The following SLC8B1 variants were observed in gnomAD, a reference collection of about 807,000 sequenced individuals.
The protein encoded by SLC8B1 is solute carrier family 8 member B1.
In SLC8B1, 52 loss-of-function variants were observed where a neutral mutation model predicts 63.4. The observed-to-expected ratio is 0.82, with a 90% CI of 0.66 to 1.03. The LOEUF (loss-of-function observed/expected upper bound fraction) is 1.03, where lower values mean the gene tolerates loss of function less well. Among genes scored for constraint, SLC8B1 ranks in the 50% least tolerant of loss-of-function variants. The pLI, the probability that SLC8B1 is intolerant of heterozygous loss-of-function variation, is 0.00. For missense variants in SLC8B1, 657 were observed against 741.7 expected (o/e 0.89, Z 1.33); for synonymous variants, 336 against 323.9 (o/e 1.04, Z -0.40).
chr12:113,310,449 T>A (rs1956742403), intron 11 of SLC8B1, 94 bp from the exon 12 acceptor site: 2 of 1,506,062 alleles, frequency 1.3e-6, no homozygotes. Flanking sequence ...ACTTCCTATC[T>A]GCCCAGCCCT....
chr12:113,315,507 G>A (rs779357358), intron 10 of SLC8B1, 31 bp from the exon 11 acceptor site: 7 of 1,530,230 alleles, frequency 4.6e-6, no homozygotes, highest in African/African-American at 1.4e-5. Context: ...GGAGGGTGTC[G>A]GCAGGGAAGT....
chr12:113,306,632 T>G (rs1326079177), intron 13 of SLC8B1, 57 bp from the exon 14 acceptor site: 1 of 1,409,470 alleles, frequency 7.1e-7, no homozygotes, highest in East Asian at 2.3e-5. Context: ...CCCTCCCTGG[T>G]CATCCACGCC....
In SLC8B1 at chr12:113,310,257, T is replaced by G. The variant is rs777642500; in HGVS notation, c.1234A>C (p.Ser412Arg). 1.1e-5 allele frequency: 18 copies of G among 1,614,030 alleles called. No homozygotes were observed. The highest frequency in any genetic ancestry group is 8.0e-5 in the African/African-American group (6 of 75,036). Residue 412 changes from serine (S) to arginine (R), a missense_variant, in exon 12 of 16, where the codon AGC becomes CGC. Physicochemically the swap from Ser to Arg is moderately radical, Grantham distance 110 (BLOSUM62 -1). Transcript: ENST00000680972. The part of the protein sequence containing the change: ...ASVTFFATSD[S>R]QPPRLHWLFA... ...ACCCAGTGAAGCCTGGGGGGCTGGC[T>G]GTCAGATGTGGCAAAAAAGGTCACT...
chr12:113,300,788 C>T (rs548336085), intron 15 of SLC8B1, among the ~76,000 whole-genome samples: 8 of 152,310 alleles, frequency 5.3e-5, no homozygotes, highest in East Asian at 1.9e-4. Flanking sequence ...CTCTAGTCAA[C>T]GACATGCACA....
At position 113,319,003 on chromosome 12, in the gene SLC8B1, G is replaced by A. The variant is rs554604226; in HGVS notation, c.763C>T (p.Arg255Trp). ...ILCTWIYQRQ[R>W]RGSLFCPMPV... ...ATGGGGCAGAACAGAGATCCTCTCC[G>A]TTGCCGTTGGTAGATCCAGGTGCAG... The change falls in exon 8 of 16, where the codon CGG becomes TGG. Residue 255 changes from arginine to tryptophan, a missense_variant. By Grantham distance (101) the Arg-to-Trp change is moderately radical (BLOSUM62 -3). Coordinates refer to ENST00000680972, the MANE Select transcript of SLC8B1 (RefSeq NM_001358345.2). The A allele has an allele frequency of 3.2e-5, 52 of 1,614,028 alleles. No individual in the cohort carries two copies. The highest frequency in any genetic ancestry group is 5.3e-5 in the African/African-American group (4 of 75,008).
chr12:113,302,477 C>A, intron 15 of SLC8B1: 1 of 343,308 alleles, frequency 2.9e-6, no homozygotes, highest in South Asian at 2.2e-5. Flanking sequence ...GTTATGGCAG[C>A]ACTAGGGAAC....
chr12:113,310,351 A>G lies in SLC8B1; in HGVS notation c.1140T>C (p.Gly380=). The change falls in exon 12 of 16, where the codon GGT becomes GGC. Residue 380 remains glycine, a synonymous_variant. Transcript: ENST00000680972. The part of the protein sequence containing the change: ...VVLTLQSGTY[G]VYEIGGLVPV... The stretch of plus-strand genomic sequence containing the variant: ...GAACGAGGCCGCCTATCTCATAGAC[A>G]CCATCTGCAAAGGGAGAGAAAGGGA... 6.2e-7 allele frequency: 1 copy of G among 1,612,518 alleles called. No individual in the cohort carries two copies. The highest frequency in any genetic ancestry group is 8.5e-7 in the Non-Finnish European group (1 of 1,179,558).
chr12:113,310,065 AC>A (rs1956735500), intron 12 of SLC8B1, among the ~76,000 whole-genome samples, 168 bp downstream of exon 12: 1 of 152,026 alleles, frequency 6.6e-6, no homozygotes, highest in South Asian at 2.1e-4. Context: ...AAAGAAAAAA[AC>A]CCTGTATAGA....
At chr12:113,321,153 A>G (rs2136855335) in intron 3 of SLC8B1, 43 bp downstream of exon 3, 1 of 1,613,922 alleles carries the variant, frequency 6.2e-7, no homozygotes, top group Non-Finnish European at 8.5e-7. Context: ...GTCCAGCTGG[A>G]GACACCAGCC....
intron 2 of SLC8B1, among the ~76,000 whole-genome samples, chr12:113,325,829 C>T (rs913420845): frequency 5.3e-5 from 8 of 152,212 alleles, no homozygotes; most frequent in African/African-American, 1.9e-4. Context: ...TCCCAAAGTG[C>T]TGGGATTACA....
Position 113,299,896 on chromosome 12 carries a change from G to C in SLC8B1, c.1636C>G (p.Pro546Ala). ...CTGCTGAGCTGGAAGCACTGCAATGGGACTGAGACCAGGGAGAAGACGAGG... is the reference window on the plus strand; with the variant it reads ...CTGCTGAGCTGGAAGCACTGCAATGCGACTGAGACCAGGGAGAAGACGAGG... ...LSLVFSLVSV[P>A]LQCFQLSRVY... is the part of the protein sequence containing the mutation. The change falls in exon 16 of 16, where the codon CCA (proline) becomes GCA (alanine). Residue 546 changes from proline to alanine, a missense_variant. By Grantham distance (27) the Pro-to-Ala change is conservative (BLOSUM62 -1). Transcript: ENST00000680972. The C allele has an allele frequency of 6.2e-7, 1 of 1,614,222 alleles. No homozygotes were observed. Among genetic ancestry groups the C allele is most frequent in the Non-Finnish European group, 8.5e-7 (1 of 1,180,044 alleles).
chr12:113,316,101 A>G (rs575791358), intron 10 of SLC8B1, among the ~76,000 whole-genome samples: 48 of 152,076 alleles, frequency 3.2e-4, no homozygotes, highest in Middle Eastern at 3.4e-3. Flanking sequence ...GCGGGCGCCT[A>G]TAGTCCCAGC....
chr12:113,306,658 G>A (rs1197159798), intron 13 of SLC8B1, 83 bp from the exon 14 acceptor site: 4 of 1,154,648 alleles, frequency 3.5e-6, no homozygotes, highest in East Asian at 5.0e-5. Context: ...TCTCACCCAC[G>A]GTCATTCAGG....
Position 113,316,615 on chromosome 12 carries a change from C to T in SLC8B1, c.904G>A (p.Ala302Thr). Residue 302 changes from alanine (A) to threonine (T), a missense_variant, in exon 10 of 16, where the codon GCT (alanine) becomes ACT (threonine). Transcript: ENST00000680972. ...RPLFFYQETT[A>T]QILVRALNPL... ...TTGAGGGCCCGGACCAGGATCTGAG[C>T]CGTGGTCTCCTGGTAGAAGAACAGC... 6.2e-7 allele frequency: 1 copy of T among 1,614,136 alleles called. No individual in the cohort carries two copies. Among genetic ancestry groups the T allele is most frequent in the East Asian group, 2.2e-5 (1 of 44,890 alleles).
chr12:113,332,714 G>T lies in SLC8B1; in HGVS notation c.156+9C>A. On this transcript the variant is annotated intron_variant, in intron 2 of 15. Coordinates refer to ENST00000680972, the MANE Select transcript of SLC8B1 (RefSeq NM_001358345.2). ...CCACTCAACCCCAGGTTCCTACCGGGATACTCACGTCTACCACGGGGGTCT... is the reference window on the plus strand; with the variant it reads ...CCACTCAACCCCAGGTTCCTACCGGTATACTCACGTCTACCACGGGGGTCT... The T allele has an allele frequency of 6.2e-7, 1 of 1,612,008 alleles. No homozygotes were observed. Among genetic ancestry groups the T allele is most frequent in the Non-Finnish European group, 8.5e-7 (1 of 1,178,914 alleles).
intron 10 of SLC8B1, 140 bp from the exon 11 acceptor site, chr12:113,315,616 G>T: frequency 9.8e-7 from 1 of 1,023,522 alleles, no homozygotes; most frequent in Non-Finnish European, 1.4e-6. Context: ...CTAAGTGCCT[G>T]GTTGCCTCTG....
chr12:113,328,152 C>T (rs900206419), intron 2 of SLC8B1, among the ~76,000 whole-genome samples: 1 of 152,144 alleles, frequency 6.6e-6, no homozygotes, highest in African/African-American at 2.4e-5. Context: ...CTACCTCAGC[C>T]TCCTGAGTAG....
In SLC8B1 at chr12:113,334,930, C is replaced by A. The variant is rs1167914924; in HGVS notation, c.-570G>T. ...GCTCCGTTTCCCGTCCGGACGGAGG[C>A]TGAGAAGTCGAACTCGGGGCGCCCG... On this transcript the variant is annotated 5_prime_UTR_variant, in exon 1 of 16. Transcript: ENST00000680972. The A allele has an allele frequency of 1.3e-5, 2 of 152,282 alleles. No individual in the cohort carries two copies. The highest frequency in any genetic ancestry group is 2.9e-5 in the Non-Finnish European group (2 of 68,064). The allele number at this position is 152,282 out of a possible 1,614,324, so 9.4% of individuals were successfully genotyped here.
At chr12:113,316,853 T>C in intron 9 of SLC8B1, 89 bp downstream of exon 9, 1 of 1,525,754 alleles carries the variant, frequency 6.6e-7, no homozygotes, top group South Asian at 1.2e-5. Flanking sequence ...GCCTCATTCC[T>C]GGAGCCCAGG....
Sources: gnomAD v4.1 joint callset for allele counts (sites outside exome capture counted in the v4.1 genomes callset) on GRCh38, gnomAD v4.1.1 for gene constraint, MANE v1.5 for transcripts, NCBI Gene and HGNC (gene_info 2026-07-23, HGNC 2026-07-21) for gene names.